The following SLC9C2 variants were observed in gnomAD, a reference collection of about 807,000 sequenced individuals.
The protein encoded by SLC9C2 is solute carrier family 9 member C2 (putative), also known as sodium/hydrogen exchanger 11.
In SLC9C2, 75 loss-of-function variants were observed where a neutral mutation model predicts 140.2. The ratio of observed to expected loss-of-function variants is 0.53; its 90% CI spans 0.44 to 0.65. The LOEUF is 0.65. Among genes scored for constraint, SLC9C2 ranks in the 30% least tolerant of loss-of-function variants. The pLI, the probability that SLC9C2 is intolerant of heterozygous loss-of-function variation, is 0.00. For missense variants in SLC9C2, 1,074 were observed against 1,331.8 expected, an observed-to-expected ratio of 0.81 and a Z score of 3.01; for synonymous variants, 375 against 420.9, an observed-to-expected ratio of 0.89 and a Z score of 1.34.
chr1:173,503,428 G>A, intron 26 of SLC9C2, 102 bp from the exon 27 acceptor site: 1 of 1,096,688 alleles, frequency 9.1e-7, no homozygotes, highest in African/African-American at 1.6e-5. Flanking sequence ...CTCCCTATAA[G>A]TTTCCCTTTT....
At chr1:173,537,989 T>C (rs958714129) in intron 13 of SLC9C2, among the ~76,000 whole-genome samples, 10 of 152,170 alleles carry the variant, frequency 6.6e-5, no homozygotes, top group African/African-American at 2.4e-4. Flanking sequence ...TTTAACACAT[T>C]TTCTCAAGTC....
chr1:173,594,464 A>G (rs1666339986), intron 4 of SLC9C2, among the ~76,000 whole-genome samples: 1 of 152,208 alleles, frequency 6.6e-6, no homozygotes, highest in Non-Finnish European at 1.5e-5. Context: ...ATTTTTAAAA[A>G]GCTGCTAGAG....
chr1:173,588,908 T>C (rs1408282180), intron 4 of SLC9C2, among the ~76,000 whole-genome samples: 1 of 150,944 alleles, frequency 6.6e-6, no homozygotes, highest in East Asian at 2.0e-4. Context: ...CTCCCACCTC[T>C]ACAAAAAAAA....
chr1:173,506,452 T>C (rs1281457749), intron 25 of SLC9C2, among the ~76,000 whole-genome samples: 1 of 152,240 alleles, frequency 6.6e-6, no homozygotes, highest in Non-Finnish European at 1.5e-5. Flanking sequence ...TAGCCCCTAA[T>C]GTGTCAACAA....
chr1:173,565,481 A>G (rs1465328460), intron 9 of SLC9C2, among the ~76,000 whole-genome samples: 3 of 152,160 alleles, frequency 2.0e-5, no homozygotes, highest in African/African-American at 7.2e-5. Context: ...TCTCCAATAT[A>G]CGTTCTTGTC....
intron 9 of SLC9C2, among the ~76,000 whole-genome samples, chr1:173,558,238 T>C (rs1180228462): frequency 1.3e-5 from 2 of 152,186 alleles, no homozygotes; most frequent in Non-Finnish European, 2.9e-5. Context: ...ATTCCTGTCA[T>C]TGAGAAACAG....
intron 13 of SLC9C2, among the ~76,000 whole-genome samples, chr1:173,538,458 G>A (rs904132740): frequency 3.5e-5 from 5 of 142,064 alleles, no homozygotes; most frequent in African/African-American, 9.5e-5. Flanking sequence ...TGCCTACTCT[G>A]TTCCAAGCCC....
intron 19 of SLC9C2, 139 bp from the exon 20 acceptor site, chr1:173,525,066 G>A: frequency 1.1e-6 from 1 of 951,840 alleles, no homozygotes. Flanking sequence ...CATGAGGTCA[G>A]CAGGCAAAGA....
At chr1:173,536,257 C>G (rs1048607646) in intron 14 of SLC9C2, among the ~76,000 whole-genome samples, 2 of 152,146 alleles carry the variant, frequency 1.3e-5, no homozygotes, top group African/African-American at 4.8e-5. Context: ...TCTCCAAGGC[C>G]CTGAAAGCTC....
At chr1:173,560,887 C>A (rs1413391798) in intron 9 of SLC9C2, among the ~76,000 whole-genome samples, 1 of 152,116 alleles carries the variant, frequency 6.6e-6, no homozygotes, top group Non-Finnish European at 1.5e-5. Context: ...ACCTCTGTCT[C>A]CCAGGTTCAA....
At chr1:173,585,582 AATCT>A (rs1308698533) in intron 5 of SLC9C2, among the ~76,000 whole-genome samples, 1 of 152,186 alleles carries the variant, frequency 6.6e-6, no homozygotes, top group Non-Finnish European at 1.5e-5. Context: ...CTGGATCCAG[AATCT>A]ATCTAACCTC....
chr1:173,597,081 C>CA (rs1666490249), intron 4 of SLC9C2, among the ~76,000 whole-genome samples: 1 of 151,750 alleles, frequency 6.6e-6, no homozygotes, highest in African/African-American at 2.4e-5. Context: ...TAGACCCCTA[C>CA]ACTCAATAAT....
intron 23 of SLC9C2, among the ~76,000 whole-genome samples, chr1:173,512,848 T>C (rs181429438): frequency 2.7e-4 from 41 of 152,204 alleles, no homozygotes; most frequent in African/African-American, 9.9e-4. Flanking sequence ...TTATTGAGAG[T>C]TTTTAACATG....
At position 173,558,170 on chromosome 1, in the gene SLC9C2, C is replaced by CA. The variant is rs559754844; in HGVS notation, c.1047-663dup. On this transcript the variant is annotated intron_variant, in intron 9 of 27. Coordinates refer to ENST00000367714, the MANE Select transcript of SLC9C2 (RefSeq NM_178527.4). The stretch of plus-strand genomic sequence containing the variant: ...GTGAAAACAGATGTGTTCTTAGCCT[C>CA]AAAAAAAAATATTGTGTGTCAGTTG... 1.5e-4 allele frequency among the ~76,000 whole-genome samples: 23 copies of CA among 150,726 alleles called. No homozygotes were observed. The South Asian group carries it at 1.7e-3, about 11-fold the overall frequency.
intron 23 of SLC9C2, among the ~76,000 whole-genome samples, chr1:173,511,894 T>C (rs1210973102): frequency 1.3e-5 from 2 of 152,344 alleles, no homozygotes; most frequent in East Asian, 1.9e-4. Flanking sequence ...CCCAACACCA[T>C]TTACTGAATA....
chr1:173,518,885 G>T (rs72709325), intron 22 of SLC9C2, among the ~76,000 whole-genome samples: 29,775 of 151,892 alleles, frequency 0.2, 4,199 homozygotes, highest in East Asian at 0.64. Context: ...GGCATTTGAG[G>T]TAGGCAGCAT....
chr1:173,522,336 G>A (rs2101951429), intron 21 of SLC9C2, among the ~76,000 whole-genome samples: 1 of 152,232 alleles, frequency 6.6e-6, no homozygotes, highest in East Asian at 1.9e-4. Context: ...AGATAGCTCG[G>A]ATAACATGAG....
intron 24 of SLC9C2, 102 bp from the exon 25 acceptor site, chr1:173,507,143 A>G: frequency 1.1e-6 from 1 of 945,070 alleles, no homozygotes; most frequent in African/African-American, 1.7e-5. Flanking sequence ...TGAGGGTGTC[A>G]GAAGGTACAC....
chr1:173,596,556 C>T (rs1389020636), intron 4 of SLC9C2: 1 of 152,018 alleles, frequency 6.6e-6, no homozygotes, highest in East Asian at 1.9e-4. Flanking sequence ...GCTTTTATTC[C>T]ATCCATATAT....
Sources: allele counts gnomAD v4.1 joint callset (sites outside exome capture counted in the v4.1 genomes callset), GRCh38; gene constraint gnomAD v4.1.1; transcripts MANE v1.5; gene names NCBI Gene and HGNC (gene_info 2026-07-23, HGNC 2026-07-21).